GLCE: variants seen among roughly 807,000 people sequenced by gnomAD.
The protein encoded by GLCE is glucuronic acid epimerase.
GLCE carries 19 observed loss-of-function variants against 47.9 expected under a neutral mutation model. That is an observed-to-expected ratio of 0.40 (90% CI 0.28 to 0.58). The LOEUF is 0.58. Ranked by LOEUF, GLCE falls within the 20% of genes least tolerant of loss-of-function variation. GLCE has a pLI of 0.48. For synonymous variants in GLCE, 245 were observed against 263.4 expected (o/e 0.93, Z 0.68); for missense variants, 556 against 743.3 (o/e 0.75, Z 2.93).
chr15:69,219,534 T>A (rs1300793951), intron 2 of GLCE, among the ~76,000 whole-genome samples: 1 of 152,154 alleles, frequency 6.6e-6, no homozygotes, highest in Non-Finnish European at 1.5e-5. Flanking sequence ...AAGCAAAGCC[T>A]TTGTAAGTAA....
intron 1 of GLCE, among the ~76,000 whole-genome samples, chr15:69,183,592 T>C (rs1453057667): frequency 6.6e-6 from 1 of 152,228 alleles, no homozygotes; most frequent in Non-Finnish European, 1.5e-5. Context: ...TAATCAATGC[T>C]ATTTCTGTAA....
chr15:69,223,765 CT>C (rs368668761), intron 2 of GLCE, among the ~76,000 whole-genome samples: 25 of 149,532 alleles, frequency 1.7e-4, no homozygotes, highest in East Asian at 5.9e-4. Flanking sequence ...TTTCTTCAGT[CT>C]TTTTTTTTTC....
At chr15:69,164,018 ATAAAT>A (rs1246319081) in intron 1 of GLCE, among the ~76,000 whole-genome samples, 1 of 152,172 alleles carries the variant, frequency 6.6e-6, no homozygotes, top group African/African-American at 2.4e-5. Flanking sequence ...TTATGTAAAG[ATAAAT>A]TAATTTTAGG....
intron 2 of GLCE, among the ~76,000 whole-genome samples, chr15:69,227,043 C>A (rs972749368): frequency 6.6e-6 from 1 of 151,942 alleles, no homozygotes. Flanking sequence ...CCATGCCCAG[C>A]CAAGAGTGAG....
At chr15:69,235,090 A>AATC (rs1163529945) in intron 2 of GLCE, among the ~76,000 whole-genome samples, 22 of 82,508 alleles carry the variant, frequency 2.7e-4, no homozygotes, top group African/African-American at 9.6e-4. Context: ...GATGAAGATT[A>AATC]TTCTTTTTTT....
chr15:69,255,217 C>T (rs913764635), intron 2 of GLCE, among the ~76,000 whole-genome samples: 13 of 152,288 alleles, frequency 8.5e-5, no homozygotes, highest in African/African-American at 3.1e-4. Context: ...AATACTTGTA[C>T]ATAAGTAGTT....
At chr15:69,253,785 G>A (rs986279428) in intron 2 of GLCE, among the ~76,000 whole-genome samples, 5 of 152,038 alleles carry the variant, frequency 3.3e-5, no homozygotes, top group African/African-American at 7.2e-5. Flanking sequence ...CAAAGATCCC[G>A]GAAGAAATCA....
intron 1 of GLCE, among the ~76,000 whole-genome samples, chr15:69,194,014 GA>G (rs2051950933): frequency 1.3e-5 from 2 of 152,066 alleles, no homozygotes; most frequent in South Asian, 4.1e-4. Flanking sequence ...AATGAGAGAA[GA>G]AAAGAAAAGA....
At chr15:69,197,009 G>T in intron 1 of GLCE, 1 of 313,970 alleles carries the variant, frequency 3.2e-6, no homozygotes, top group South Asian at 3.2e-5. Flanking sequence ...GTCTGCTGCC[G>T]GTCTGATCCA....
At position 69,245,901 on chromosome 15, in the gene GLCE, A is replaced by G. The variant is rs1010687923; in HGVS notation, c.-13-9893A>G. On this transcript the variant is annotated intron_variant, in intron 2 of 4. Coordinates refer to ENST00000261858, the MANE Select transcript of GLCE (RefSeq NM_015554.3). ...CCACCACCACGCCCGGCTAATTTTTATATTTTTAGTAGAGACAGGGTTTCA... is the reference window on the plus strand; with the variant it reads ...CCACCACCACGCCCGGCTAATTTTTGTATTTTTAGTAGAGACAGGGTTTCA... 5.9e-5 allele frequency among the ~76,000 whole-genome samples: 9 copies of G among 151,802 alleles called. No homozygotes were observed. In the East Asian group the frequency reaches 7.8e-4, roughly 13 times the overall value.
Position 69,268,047 on chromosome 15 carries a change from C to A in GLCE, c.830-173C>A, listed in dbSNP as rs185763298. Among the ~76,000 whole-genome samples the A allele has an allele frequency of 1.1e-4, 17 of 152,190 alleles. No homozygotes were observed. In the East Asian group the frequency reaches 3.1e-3, roughly 28 times the overall value. On this transcript the variant is annotated intron_variant, in intron 4 of 4. Coordinates refer to ENST00000261858, the MANE Select transcript of GLCE (RefSeq NM_015554.3). ...GCCATCGTGAACTCACCAATTCTGT[C>A]ATTTGTTTTTGTTTAATTTAATAAA...
intron 1 of GLCE, among the ~76,000 whole-genome samples, chr15:69,196,162 A>G (rs2051987230): frequency 6.6e-6 from 1 of 152,112 alleles, no homozygotes; most frequent in Non-Finnish European, 1.5e-5. Flanking sequence ...AGCAAGGGTA[A>G]CAGATTTGAG....
chr15:69,188,418 C>T (rs547591132), intron 1 of GLCE, among the ~76,000 whole-genome samples: 1 of 152,212 alleles, frequency 6.6e-6, no homozygotes, highest in East Asian at 1.9e-4. Context: ...TCATGGTGCC[C>T]TTTTAGAATG....
intron 1 of GLCE, among the ~76,000 whole-genome samples, chr15:69,174,882 C>T (rs1401954691): frequency 2.6e-5 from 4 of 151,992 alleles, no homozygotes; most frequent in Non-Finnish European, 5.9e-5. Context: ...TTCTTCTATC[C>T]AACACTGATA....
At chr15:69,248,223 A>C (rs1383853766) in intron 2 of GLCE, among the ~76,000 whole-genome samples, 1 of 152,224 alleles carries the variant, frequency 6.6e-6, no homozygotes, top group East Asian at 1.9e-4. Flanking sequence ...AATATTAGGC[A>C]GTTCTCCTTT....
At chr15:69,191,637 A>G (rs796723631) in intron 1 of GLCE, among the ~76,000 whole-genome samples, 15 of 152,324 alleles carry the variant, frequency 9.8e-5, no homozygotes, top group African/African-American at 3.6e-4. Context: ...TCCTCTGCCT[A>G]GCATGTAGCA....
At chr15:69,216,468 A>T (rs184499351) in intron 2 of GLCE, among the ~76,000 whole-genome samples, 22 of 152,232 alleles carry the variant, frequency 1.4e-4, no homozygotes, top group East Asian at 1.3e-3. Flanking sequence ...AATACTTAGG[A>T]CTTATATTTA....
In GLCE at chr15:69,235,090, A is replaced by AATCTTTTTTTTTTTT. The variant is rs1163529945; in HGVS notation, c.-13-20704_-13-20703insATCTTTTTTTTTTTT. The stretch of plus-strand genomic sequence containing the variant: ...GAACTGATACAGATAGATGAAGATT[A>AATCTTTTTTTTTTTT]TTCTTTTTTTTTTTTTTTTTTTTTT... On this transcript the variant is annotated intron_variant, in intron 2 of 4. Coordinates refer to ENST00000261858, the MANE Select transcript of GLCE (RefSeq NM_015554.3). Among the ~76,000 whole-genome samples, 3 of 82,488 alleles carry AATCTTTTTTTTTTTT rather than the reference A, an allele frequency of 3.6e-5. 1 individual carries two copies. The highest frequency in any genetic ancestry group is 5.7e-5 in the African/African-American group (1 of 17,666). The allele number at this position is 82,488 out of a possible 152,430, so 54.1% of individuals were successfully genotyped here. A position where few individuals can be genotyped will look rare whatever the true frequency, so the allele number is the denominator to read the frequency against.
intron 2 of GLCE, among the ~76,000 whole-genome samples, chr15:69,220,151 G>A (rs1462422268): frequency 2.0e-5 from 3 of 151,952 alleles, no homozygotes; most frequent in Non-Finnish European, 2.9e-5. Context: ...GCACATTTTG[G>A]CTATTGTTAA....
Sources: allele counts gnomAD v4.1 joint callset (sites outside exome capture counted in the v4.1 genomes callset), GRCh38; gene constraint gnomAD v4.1.1; transcripts MANE v1.5; gene names NCBI Gene and HGNC (gene_info 2026-07-23, HGNC 2026-07-21).